SCFD2: variants seen among roughly 807,000 people sequenced by gnomAD.
SCFD2 encodes sec1 family domain-containing protein 2.
In SCFD2, 54 loss-of-function variants were observed where a neutral mutation model predicts 58.9. The observed-to-expected ratio is 0.92, with a 90% confidence interval of 0.74 to 1.15. SCFD2 has a LOEUF of 1.15. SCFD2 is among the 50% of genes most tolerant of loss of function. SCFD2 has a pLI of 0.00. For missense variants in SCFD2, 805 were observed against 836.6 expected (o/e 0.96, Z 0.47); for synonymous variants, 321 against 335.9 (o/e 0.96, Z 0.49).
chr4:53,180,630 A>G (rs1378935547), intron 4 of SCFD2, among the ~76,000 whole-genome samples: 1 of 152,238 alleles, frequency 6.6e-6, no homozygotes, highest in Non-Finnish European at 1.5e-5. Context: ...AAGTTAGAAG[A>G]AGGCGAGAAA....
intron 4 of SCFD2, among the ~76,000 whole-genome samples, chr4:53,211,256 AT>A (rs775711315): frequency 6.6e-5 from 7 of 106,440 alleles, no homozygotes; most frequent in East Asian, 2.8e-4. Context: ...AAAAAAAAAA[AT>A]CCAAGAGAAC....
chr4:52,964,062 T>C (rs1345875611), intron 5 of SCFD2, among the ~76,000 whole-genome samples: 1 of 152,214 alleles, frequency 6.6e-6, no homozygotes, highest in Non-Finnish European at 1.5e-5. Context: ...ATTATTTCCA[T>C]TGAAAAGCTC....
At chr4:53,248,330 G>A (rs932098633) in intron 4 of SCFD2, among the ~76,000 whole-genome samples, 2 of 152,320 alleles carry the variant, frequency 1.3e-5, no homozygotes, top group South Asian at 4.1e-4. Flanking sequence ...CTGCAAGGTG[G>A]CAGCGAGGAT....
chr4:53,257,079 T>TAC (rs1462542646), intron 4 of SCFD2, among the ~76,000 whole-genome samples: 1 of 150,850 alleles, frequency 6.6e-6, no homozygotes, highest in African/African-American at 2.4e-5. Context: ...GTAACAAACC[T>TAC]ACACATGCGC....
At chr4:53,296,784 A>C (rs529857516) in intron 3 of SCFD2, among the ~76,000 whole-genome samples, 97 of 152,268 alleles carry the variant, frequency 6.4e-4, no homozygotes, top group African/African-American at 2.2e-3. Flanking sequence ...TAGTGCTATA[A>C]ATTTCCCTCT....
In SCFD2 at chr4:52,895,759, A is replaced by G. The variant is rs140942345; in HGVS notation, c.1843-9893T>C. Reference sequence around the variant, plus strand: ...GAGGAATCGTCACACCGATTTCCACAGTGGTTGCACTAGTTTACAGTGTGT... The same window carrying G: ...GAGGAATCGTCACACCGATTTCCACGGTGGTTGCACTAGTTTACAGTGTGT... On this transcript the variant is annotated intron_variant, in intron 7 of 8. Transcript: ENST00000401642. Among the ~76,000 whole-genome samples the G allele has an allele frequency of 8.5e-3, 1,298 of 152,290 alleles. 23 individuals carry two copies. Among genetic ancestry groups the G allele is most frequent in the African/African-American group, 0.03 (1,237 of 41,546 alleles).
At chr4:53,298,399 G>A (rs995474501) in intron 3 of SCFD2, among the ~76,000 whole-genome samples, 4 of 152,196 alleles carry the variant, frequency 2.6e-5, no homozygotes, top group African/African-American at 7.2e-5. Flanking sequence ...GGCTGGGGGA[G>A]GGGCGCCCAC....
intron 5 of SCFD2, among the ~76,000 whole-genome samples, chr4:52,976,175 A>AT (rs1457142466): frequency 2.0e-5 from 3 of 151,984 alleles, no homozygotes; most frequent in African/African-American, 2.4e-5. Flanking sequence ...AAGTATATAT[A>AT]AAAAAAATTG....
chr4:53,172,188 G>C (rs1444375546), intron 4 of SCFD2, among the ~76,000 whole-genome samples: 2 of 151,680 alleles, frequency 1.3e-5, no homozygotes, highest in African/African-American at 4.8e-5. Flanking sequence ...TGTATTTTTA[G>C]TAGACAGGTT....
chr4:53,341,183 C>T (rs1733859304), intron 2 of SCFD2, among the ~76,000 whole-genome samples: 1 of 152,084 alleles, frequency 6.6e-6, no homozygotes, highest in Non-Finnish European at 1.5e-5. Context: ...TGTTCGAAAC[C>T]ATCACAAAGA....
At chr4:52,948,177 T>G in intron 5 of SCFD2, 1 of 204,690 alleles carries the variant, frequency 4.9e-6, no homozygotes, top group Non-Finnish European at 1.0e-5. Context: ...AATAGAGGGA[T>G]TAAACGAGAT....
intron 5 of SCFD2, among the ~76,000 whole-genome samples, chr4:53,140,981 A>C (rs1054777031): frequency 2.6e-5 from 4 of 152,192 alleles, no homozygotes; most frequent in African/African-American, 9.7e-5. Flanking sequence ...CATATACCCA[A>C]AAGATACAGT....
chr4:53,150,680 AT>A (rs2148917636), intron 4 of SCFD2, among the ~76,000 whole-genome samples: 1 of 152,306 alleles, frequency 6.6e-6, no homozygotes, highest in African/African-American at 2.4e-5. Context: ...TGGGCAAATT[AT>A]TTACCTTCTC....
intron 4 of SCFD2, among the ~76,000 whole-genome samples, chr4:53,159,530 T>A (rs1726792152): frequency 6.6e-6 from 1 of 152,068 alleles, no homozygotes; most frequent in Non-Finnish European, 1.5e-5. Context: ...TATAAGACAA[T>A]AGATAAATTA....
At chr4:53,045,643 A>G (rs193169682) in intron 5 of SCFD2, among the ~76,000 whole-genome samples, 1 of 152,274 alleles carries the variant, frequency 6.6e-6, no homozygotes, top group Admixed American at 6.5e-5. Context: ...TATATCTTAT[A>G]TTCTGCCAAA....
intron 5 of SCFD2, among the ~76,000 whole-genome samples, chr4:53,051,810 G>A (rs1021562141): frequency 6.6e-6 from 1 of 152,124 alleles, no homozygotes; most frequent in African/African-American, 2.4e-5. Context: ...TAGTTCTACT[G>A]AGTATTTCTC....
chr4:53,054,658 T>C (rs115437160), intron 5 of SCFD2, among the ~76,000 whole-genome samples: 1,680 of 152,016 alleles, frequency 0.011, 33 homozygotes, highest in African/African-American at 0.038. Flanking sequence ...TTTTTTTGTT[T>C]GTTTTTGTTT....
chr4:52,888,593 T>C (rs1718806916), intron 7 of SCFD2, among the ~76,000 whole-genome samples: 1 of 152,228 alleles, frequency 6.6e-6, no homozygotes, highest in South Asian at 2.1e-4. Flanking sequence ...TCATCTAACC[T>C]GACATTTCTA....
At chr4:52,936,497 T>C (rs1720141769) in intron 5 of SCFD2, among the ~76,000 whole-genome samples, 2 of 152,248 alleles carry the variant, frequency 1.3e-5, no homozygotes, top group African/African-American at 2.4e-5. Flanking sequence ...TACTGATTTA[T>C]AGCCTTTCTA....
Sources: gnomAD v4.1 joint callset for allele counts (sites outside exome capture counted in the v4.1 genomes callset) on GRCh38, gnomAD v4.1.1 for gene constraint, MANE v1.5 for transcripts, NCBI Gene and HGNC (gene_info 2026-07-23, HGNC 2026-07-21) for gene names.